NOS1AP: variants seen among roughly 807,000 people sequenced by gnomAD.
The protein encoded by NOS1AP is carboxyl-terminal PDZ ligand of neuronal nitric oxide synthase protein.
A neutral mutation model predicts 56.2 loss-of-function variants in NOS1AP; 21 were observed. The observed-to-expected ratio is 0.37, with a 90% confidence interval of 0.26 to 0.54. The LOEUF is 0.54. NOS1AP is among the 20% of genes least tolerant of loss of function. NOS1AP has a pLI of 0.84. For missense variants in NOS1AP, 522 were observed against 657.8 expected (o/e 0.79, Z 2.26); for synonymous variants, 270 against 274.6 (o/e 0.98, Z 0.17).
chr1:162,347,417 T>G (rs1571235377), intron 6 of NOS1AP, among the ~76,000 whole-genome samples: 4 of 152,336 alleles, frequency 2.6e-5, no homozygotes, highest in Admixed American at 2.6e-4. Flanking sequence ...GCAGAGAGGA[T>G]GCCCAGAGGT....
At chr1:162,156,860 A>C (rs1028308757) in intron 2 of NOS1AP, among the ~76,000 whole-genome samples, 1 of 152,186 alleles carries the variant, frequency 6.6e-6, no homozygotes, top group African/African-American at 2.4e-5. Context: ...AAATAATTCT[A>C]GGTCAAGTTG....
At chr1:162,305,385 C>CT (rs1269003684) in intron 4 of NOS1AP, among the ~76,000 whole-genome samples, 5 of 144,804 alleles carry the variant, frequency 3.5e-5, no homozygotes, top group African/African-American at 1.4e-4. Context: ...CCAATTCCTC[C>CT]TATTTTTTTT....
intron 1 of NOS1AP, among the ~76,000 whole-genome samples, chr1:162,123,970 C>G (rs892350863): frequency 5.3e-5 from 8 of 152,084 alleles, no homozygotes; most frequent in African/African-American, 1.9e-4. Context: ...TCTCTACAGA[C>G]TTTATTTAAA....
At chr1:162,161,087 C>G (rs1246880283) in intron 2 of NOS1AP, among the ~76,000 whole-genome samples, 2 of 152,188 alleles carry the variant, frequency 1.3e-5, no homozygotes, top group Non-Finnish European at 2.9e-5. Flanking sequence ...GACTCTGACT[C>G]TCCTGCACCT....
intron 5 of NOS1AP, among the ~76,000 whole-genome samples, chr1:162,339,511 A>G (rs1185761592): frequency 1.3e-5 from 2 of 152,060 alleles, no homozygotes; most frequent in East Asian, 1.9e-4. Flanking sequence ...ACTGCCTTCA[A>G]TCTTTAAACC....
chr1:162,197,516 G>A (rs1557829241), intron 2 of NOS1AP, among the ~76,000 whole-genome samples: 1 of 152,200 alleles, frequency 6.6e-6, no homozygotes, highest in Non-Finnish European at 1.5e-5. Context: ...CAAGTGAACT[G>A]AGCCTAGTCT....
At chr1:162,118,463 A>G (rs2102048746) in intron 1 of NOS1AP, among the ~76,000 whole-genome samples, 1 of 152,300 alleles carries the variant, frequency 6.6e-6, no homozygotes, top group African/African-American at 2.4e-5. Flanking sequence ...TCATAGTACC[A>G]CATTTTCTTT....
chr1:162,071,793 G>A (rs1339848119), intron 1 of NOS1AP, among the ~76,000 whole-genome samples: 2 of 152,200 alleles, frequency 1.3e-5, no homozygotes, highest in Non-Finnish European at 2.9e-5. Flanking sequence ...TCAGGGTCAT[G>A]ATTTAATTTT....
At chr1:162,329,359 AAAAGAG>A (rs1299132718) in intron 4 of NOS1AP, among the ~76,000 whole-genome samples, 1 of 112,982 alleles carries the variant, frequency 8.9e-6, no homozygotes, top group Non-Finnish European at 2.1e-5. Context: ...CACCAAGAAA[AAAAGAG>A]AGAGAGAGAG....
chr1:162,245,706 A>G (rs965029775), intron 2 of NOS1AP, among the ~76,000 whole-genome samples: 2 of 152,246 alleles, frequency 1.3e-5, no homozygotes, highest in African/African-American at 4.8e-5. Context: ...CTGTCAGCTA[A>G]TCAAGTTTGG....
chr1:162,155,310 GTA>G lies in NOS1AP; in HGVS notation c.177+844_177+845del, dbSNP rs770493304. Among the ~76,000 whole-genome samples the G allele has an allele frequency of 4.7e-4, 67 of 141,174 alleles. 1 individual carries two copies. Among genetic ancestry groups the G allele is most frequent in the Middle Eastern group, 3.8e-3 (1 of 260 alleles). The allele number at this position is 141,174 out of a possible 152,430, so 92.6% of individuals were successfully genotyped here. ...TATACATATATATGTATATGTATGTGTATATATATATGTATGTGTATATGTAT... is the reference window on the plus strand; with the variant it reads ...TATACATATATATGTATATGTATGTGTATATATATGTATGTGTATATGTAT... On this transcript the variant is annotated intron_variant, in intron 2 of 9. Transcript: ENST00000361897.
chr1:162,139,535 G>C (rs1231921354), intron 1 of NOS1AP, among the ~76,000 whole-genome samples: 5 of 152,172 alleles, frequency 3.3e-5, no homozygotes, highest in Non-Finnish European at 1.5e-5. Flanking sequence ...TATATGGAGG[G>C]AGTGTTGAAA....
intron 4 of NOS1AP, among the ~76,000 whole-genome samples, chr1:162,320,049 G>A (rs554340224): frequency 9.2e-5 from 14 of 152,098 alleles, no homozygotes; most frequent in East Asian, 1.9e-4. Context: ...TCCTCTGTCC[G>A]CACTTGCCAC....
intron 6 of NOS1AP, 25 bp downstream of exon 6, chr1:162,344,001 G>A (rs1657192377): frequency 6.2e-7 from 1 of 1,613,580 alleles, no homozygotes; most frequent in Non-Finnish European, 8.5e-7. Context: ...TTCTGTGGAT[G>A]TGGGTGGGAA....
At chr1:162,341,100 C>T (rs1657093880) in intron 5 of NOS1AP, among the ~76,000 whole-genome samples, 1 of 152,128 alleles carries the variant, frequency 6.6e-6, no homozygotes. Context: ...TGAGGGATTC[C>T]TTCCAAAGAT....
At position 162,367,365 on chromosome 1, in the gene NOS1AP, C is replaced by T. The variant is rs367796988; in HGVS notation, c.1419C>T (p.Ser473=). The change falls in exon 10 of 10, where the codon AGC becomes AGT. Residue 473 remains serine, a synonymous_variant. Coordinates refer to ENST00000361897, the MANE Select transcript of NOS1AP (RefSeq NM_014697.3). This position sits in a 1 kb window ranked among gnomAD's most constrained non-coding sequence, Gnocchi z 6.5. ...ASEYESNTDE[S]EERDSWSQEE... is the part of the protein sequence containing the mutation. ...AGTACGAGTCCAACACGGACGAGAG[C>T]GAGGAGCGCGACTCGTGGTCCCAGG... is the stretch of plus-strand genomic sequence containing the variant. 11 of 1,611,274 alleles carry T rather than the reference C, an allele frequency of 6.8e-6. No individual in the cohort carries two copies. Among genetic ancestry groups the T allele is most frequent in the Non-Finnish European group, 9.3e-6 (11 of 1,178,936 alleles).
rs370143137 is a variant in NOS1AP, at chr1:162,343,922, G to C, written c.541G>C (p.Asp181His). The C allele has an allele frequency of 7.7e-5, 125 of 1,614,176 alleles. 3 individuals carry two copies. The South Asian group carries it at 1.3e-3, about 16-fold the overall frequency. ...LSLQHTQQNA[D>H]GQEDGESERN... ...CCTGCAGCACACGCAGCAGAATGCAGATGGCCAGGAAGATGGAGAGAGCGA... is the reference window on the plus strand; with the variant it reads ...CCTGCAGCACACGCAGCAGAATGCACATGGCCAGGAAGATGGAGAGAGCGA... The change falls in exon 6 of 10, where the codon GAT becomes CAT. Residue 181 changes from aspartate to histidine, a missense_variant. Asp to His is a moderately conservative substitution (Grantham distance 81). Coordinates refer to ENST00000361897, the MANE Select transcript of NOS1AP (RefSeq NM_014697.3).
intron 2 of NOS1AP, among the ~76,000 whole-genome samples, chr1:162,264,602 G>A (rs1343594293): frequency 2.0e-5 from 3 of 150,652 alleles, no homozygotes; most frequent in African/African-American, 7.3e-5. Flanking sequence ...CACCTCCTAT[G>A]TTCAAGTGAT....
At position 162,343,889 on chromosome 1, in the gene NOS1AP, A is replaced by G; in HGVS notation, c.508A>G (p.Lys170Glu). The change falls in exon 6 of 10, where the codon AAG becomes GAG. Residue 170 changes from lysine (K) to glutamate (E), a missense_variant. Coordinates refer to ENST00000361897, the MANE Select transcript of NOS1AP (RefSeq NM_014697.3). Reference sequence around the variant, plus strand: ...GGGGCAGGCCTTTGAGGTCTGCCACAAGCTGAGCCTGCAGCACACGCAGCA... The same window carrying G: ...GGGGCAGGCCTTTGAGGTCTGCCACGAGCTGAGCCTGCAGCACACGCAGCA... ...TVGQAFEVCH[K>E]LSLQHTQQNA... is the part of the protein sequence containing the mutation. 6.2e-7 allele frequency: 1 copy of G among 1,614,164 alleles called. No homozygotes were observed. Among genetic ancestry groups the G allele is most frequent in the Non-Finnish European group, 8.5e-7 (1 of 1,180,028 alleles).
Sources: gnomAD v4.1 joint callset for allele counts (sites outside exome capture counted in the v4.1 genomes callset) on GRCh38, gnomAD v4.1.1 for gene constraint, Gnocchi (gnomAD v3.1) non-coding constraint, MANE v1.5 for transcripts, NCBI Gene and HGNC (gene_info 2026-07-23, HGNC 2026-07-21) for gene names.